RBPMS: variants seen among roughly 807,000 people sequenced by gnomAD.
RBPMS encodes the protein RNA binding protein, mRNA processing factor, also known as RNA-binding protein with multiple splicing.
RBPMS carries 7 observed loss-of-function variants against 26.8 expected under a neutral mutation model. The observed-to-expected ratio is 0.26, with a 90% CI of 0.15 to 0.49. The LOEUF (loss-of-function observed/expected upper bound fraction) is 0.49, where lower values mean the gene tolerates loss of function less well. RBPMS is among the 20% of genes least tolerant of loss of function. The probability of loss-of-function intolerance (pLI) is 0.98; values close to 1 mark genes in which losing one functional copy is unlikely to be tolerated. For synonymous variants in RBPMS, 96 were observed against 93.3 expected, an observed-to-expected ratio of 1.03 and a Z score of -0.17; for missense variants, 186 against 250.0, an observed-to-expected ratio of 0.74 and a Z score of 1.73.
At chr8:30,535,831 AAT>A (rs1824736921) in intron 5 of RBPMS, among the ~76,000 whole-genome samples, 1 of 152,190 alleles carries the variant, frequency 6.6e-6, no homozygotes, top group South Asian at 2.1e-4. Context: ...GATCCTTAAA[AAT>A]GTTCATTTCT....
intron 6 of RBPMS, among the ~76,000 whole-genome samples, chr8:30,549,813 T>TC (rs1455016832): frequency 2.0e-4 from 26 of 130,710 alleles, no homozygotes; most frequent in South Asian, 9.7e-4. Context: ...CTCCTCTCTC[T>TC]CTCTCTCTCT....
At chr8:30,462,150 C>T (rs1815987473) in intron 1 of RBPMS, among the ~76,000 whole-genome samples, 1 of 152,108 alleles carries the variant, frequency 6.6e-6, no homozygotes, top group South Asian at 2.1e-4. Context: ...GGTACAACTG[C>T]TAGATTGTTT....
chr8:30,410,763 T>G (rs1185166804), intron 1 of RBPMS, among the ~76,000 whole-genome samples: 1 of 149,744 alleles, frequency 6.7e-6, no homozygotes, highest in Non-Finnish European at 1.5e-5. Context: ...AGAGACAAGA[T>G]CTCACTGTGT....
At chr8:30,454,598 G>A (rs1346024987) in intron 1 of RBPMS, among the ~76,000 whole-genome samples, 1 of 152,138 alleles carries the variant, frequency 6.6e-6, no homozygotes. Context: ...CATCCTCTTT[G>A]AACGTAGCAG....
At chr8:30,530,050 C>G (rs144769506) in intron 5 of RBPMS, among the ~76,000 whole-genome samples, 2 of 152,132 alleles carry the variant, frequency 1.3e-5, no homozygotes, top group Non-Finnish European at 2.9e-5. Context: ...CCACCGCACC[C>G]GGCCAGAACT....
chr8:30,544,233 A>C (rs1173510118), intron 5 of RBPMS, among the ~76,000 whole-genome samples: 1 of 152,196 alleles, frequency 6.6e-6, no homozygotes, highest in Non-Finnish European at 1.5e-5. Flanking sequence ...AAGACATCAG[A>C]GTGTTCAAGG....
rs73566196 is a variant in RBPMS, at chr8:30,457,293, C to T, written c.67-17486C>T. Among the ~76,000 whole-genome samples the T allele has an allele frequency of 7.2e-3, 1,098 of 152,178 alleles. 9 individuals carry two copies. The highest frequency in any genetic ancestry group is 0.024 in the African/African-American group (1,009 of 41,506). Reference sequence around the variant, plus strand: ...TAAAATATGCTATTTTATTTGTGCTCTTTACAGATATATTACAAATCTGTA... The same window carrying T: ...TAAAATATGCTATTTTATTTGTGCTTTTTACAGATATATTACAAATCTGTA... On this transcript the variant is annotated intron_variant, in intron 1 of 8. Transcript: ENST00000397323.
chr8:30,508,554 T>A (rs1043659844), intron 5 of RBPMS, among the ~76,000 whole-genome samples: 1 of 152,162 alleles, frequency 6.6e-6, no homozygotes, highest in Non-Finnish European at 1.5e-5. Flanking sequence ...TTGTCCCTCA[T>A]AATTAAAAGA....
intron 1 of RBPMS, among the ~76,000 whole-genome samples, chr8:30,466,752 G>A (rs542076398): frequency 2.0e-4 from 31 of 151,938 alleles, no homozygotes; most frequent in Non-Finnish European, 4.1e-4. Context: ...CGACCACCAC[G>A]CTGGCTAATT....
chr8:30,385,260 A>G (rs1806887130), intron 1 of RBPMS, 102 bp downstream of exon 1: 1 of 777,070 alleles, frequency 1.3e-6, no homozygotes, highest in Non-Finnish European at 1.9e-6. Context: ...AGGTTCAGGC[A>G]TGGCCCGTGC....
chr8:30,544,766 A>G (rs1167152501), intron 6 of RBPMS, 142 bp downstream of exon 6: 3 of 1,596,634 alleles, frequency 1.9e-6, no homozygotes, highest in Admixed American at 3.4e-5. Flanking sequence ...CTCTAAATCA[A>G]GCTGACACTC....
chr8:30,390,494 G>A (rs1419750194), intron 1 of RBPMS, among the ~76,000 whole-genome samples: 4 of 152,114 alleles, frequency 2.6e-5, no homozygotes, highest in Non-Finnish European at 4.4e-5. Context: ...AGTCAAGTGC[G>A]CACATGGCGT....
chr8:30,542,098 T>A (rs188668006), intron 5 of RBPMS, among the ~76,000 whole-genome samples: 2 of 152,334 alleles, frequency 1.3e-5, no homozygotes, highest in East Asian at 3.9e-4. Flanking sequence ...AAGGGATTTA[T>A]CAAGTGTAAG....
intron 1 of RBPMS, among the ~76,000 whole-genome samples, chr8:30,414,586 C>T (rs1367786737): frequency 1.3e-5 from 2 of 152,162 alleles, no homozygotes; most frequent in East Asian, 3.8e-4. Flanking sequence ...AGTACTAATC[C>T]GTCACCAGAC....
rs186149788 is a variant in RBPMS, at chr8:30,513,438, A to T, written c.397+9002A>T. 1.1e-3 allele frequency among the ~76,000 whole-genome samples: 166 copies of T among 151,870 alleles called. 1 individual carries two copies. Among genetic ancestry groups the T allele is most frequent in the African/African-American group, 3.7e-3 (153 of 41,392 alleles). On this transcript the variant is annotated intron_variant, in intron 5 of 8. Coordinates refer to ENST00000397323, the MANE Select transcript of RBPMS (RefSeq NM_001008710.3). ...CCCTGTCTCTACTAAAAATACAAAAAATTAGCCGGGAGTGGTGGCAGGCGC... is the reference window on the plus strand; with the variant it reads ...CCCTGTCTCTACTAAAAATACAAAATATTAGCCGGGAGTGGTGGCAGGCGC...
intron 4 of RBPMS, among the ~76,000 whole-genome samples, chr8:30,481,384 TG>T (rs1818257016): frequency 1.3e-5 from 2 of 152,240 alleles, no homozygotes; most frequent in Admixed American, 1.3e-4. Context: ...TTTTTCTTGG[TG>T]CCCAAAGGTT....
intron 1 of RBPMS, among the ~76,000 whole-genome samples, chr8:30,408,962 T>G (rs1381769430): frequency 1.3e-5 from 2 of 152,220 alleles, no homozygotes; most frequent in African/African-American, 4.8e-5. Flanking sequence ...AAGATCGGTC[T>G]TTTGGCTTTT....
chr8:30,519,484 T>C (rs1474399528), intron 5 of RBPMS, among the ~76,000 whole-genome samples: 812 of 51,322 alleles, frequency 0.016, 70 homozygotes, highest in African/African-American at 0.055. Context: ...TTTTTTTTTT[T>C]TTTTTTTTTT....
intron 6 of RBPMS, chr8:30,555,966 C>T (rs1170582893): frequency 3.0e-6 from 3 of 984,108 alleles, no homozygotes; most frequent in African/African-American, 1.7e-5. Context: ...GCCGCTCTGC[C>T]GGCTGTGGTG....
Sources: allele counts gnomAD v4.1 joint callset (sites outside exome capture counted in the v4.1 genomes callset), GRCh38; gene constraint gnomAD v4.1.1; transcripts MANE v1.5; gene names NCBI Gene and HGNC (gene_info 2026-07-23, HGNC 2026-07-21).